Variants in RANBP2 observed in about 807,000 individuals in gnomAD.
RANBP2 encodes RAN binding protein 2.
A neutral mutation model predicts 303.6 loss-of-function variants in RANBP2; 57 were observed. That is an observed-to-expected ratio of 0.19 (90% CI 0.15 to 0.23). The LOEUF (loss-of-function observed/expected upper bound fraction) is 0.23. Among genes scored for constraint, RANBP2 ranks in the 10% least tolerant of loss-of-function variants. The pLI is 1.00. For synonymous variants in RANBP2, 1,167 were observed against 1,301.5 expected, an observed-to-expected ratio of 0.90 and a Z score of 2.23; for missense variants, 3,138 against 3,780.8, an observed-to-expected ratio of 0.83 and a Z score of 4.46.
chr2:109,709,040 C>T, the RANBP2 span, among the ~76,000 whole-genome samples: 8 of 150,668 alleles, frequency 5.3e-5, no homozygotes, highest in Non-Finnish European at 7.4e-5. Flanking sequence ...CAGTGGGTCA[C>T]GCCTATAATC....
At chr2:108,879,656 TAAC>T in the RANBP2 span, among the ~76,000 whole-genome samples, 1 of 152,346 alleles carries the variant, frequency 6.6e-6, no homozygotes, top group Non-Finnish European at 1.5e-5. Context: ...ATCCTCATAA[TAAC>T]TTTGTGAGAT....
chr2:108,861,472 C>CTTTTTTT, the RANBP2 span, among the ~76,000 whole-genome samples: 1 of 123,552 alleles, frequency 8.1e-6, no homozygotes, highest in Non-Finnish European at 1.6e-5. Flanking sequence ...AACTTTCTTC[C>CTTTTTTT]TTTTTTTTTT....
chr2:108,850,181 A>C, the RANBP2 span, among the ~76,000 whole-genome samples: 3 of 151,966 alleles, frequency 2.0e-5, no homozygotes, highest in Admixed American at 2.0e-4. Flanking sequence ...CATAAGAAAA[A>C]CTCTTAAATC....
the RANBP2 span, among the ~76,000 whole-genome samples, chr2:109,245,553 G>A: frequency 3.3e-5 from 5 of 152,204 alleles, no homozygotes; most frequent in African/African-American, 1.2e-4. Flanking sequence ...TGGACAAACT[G>A]CACCTCTAGC....
At chr2:108,834,006 A>G in the RANBP2 span, among the ~76,000 whole-genome samples, 2 of 144,328 alleles carry the variant, frequency 1.4e-5, no homozygotes, top group African/African-American at 5.2e-5. Context: ...TCGGCCTCCC[A>G]AAGTGCTGGG....
the RANBP2 span, among the ~76,000 whole-genome samples, chr2:109,227,398 C>G: frequency 6.6e-6 from 1 of 152,196 alleles, no homozygotes; most frequent in Non-Finnish European, 1.5e-5. Flanking sequence ...ATTTCTGTAA[C>G]CAGCTGTTCT....
the RANBP2 span, among the ~76,000 whole-genome samples, chr2:109,007,404 C>T: frequency 6.6e-6 from 1 of 152,328 alleles, no homozygotes; most frequent in Admixed American, 6.5e-5. Context: ...TCTGGGAACA[C>T]TCTTCCTGGC....
chr2:109,137,560 C>T, the RANBP2 span, among the ~76,000 whole-genome samples: 1 of 152,204 alleles, frequency 6.6e-6, no homozygotes, highest in Non-Finnish European at 1.5e-5. Context: ...GCCATCAAAG[C>T]ACACCACCTT....
the RANBP2 span, among the ~76,000 whole-genome samples, chr2:109,518,913 A>T: frequency 5.2e-5 from 7 of 133,450 alleles, no homozygotes; most frequent in Admixed American, 3.8e-4. Context: ...GGTGCTACAT[A>T]TCTTTTTTTT....
At chr2:109,037,987 T>G in the RANBP2 span, among the ~76,000 whole-genome samples, 2 of 152,208 alleles carry the variant, frequency 1.3e-5, no homozygotes, top group Admixed American at 6.5e-5. Flanking sequence ...AGTCCTGGAA[T>G]AGCTTAACCA....
chr2:109,558,752 AAGG>A, the RANBP2 span, among the ~76,000 whole-genome samples: 1 of 152,178 alleles, frequency 6.6e-6, no homozygotes, highest in Admixed American at 6.5e-5. Context: ...CAGTCACATA[AAGG>A]TCACCCAACA....
the RANBP2 span, chr2:109,437,265 A>C: frequency 7.1e-7 from 1 of 1,414,674 alleles, no homozygotes; most frequent in Non-Finnish European, 9.4e-7. Context: ...TGGCAGCTTC[A>C]TGGCAGCTGG....
the RANBP2 span, among the ~76,000 whole-genome samples, chr2:109,427,894 C>A: frequency 1.3e-5 from 2 of 152,260 alleles, no homozygotes; most frequent in Non-Finnish European, 2.9e-5. Flanking sequence ...ATCCTGAGGC[C>A]ATACCTGCAG....
chr2:109,148,911 A>G, the RANBP2 span, among the ~76,000 whole-genome samples: 2 of 152,014 alleles, frequency 1.3e-5, no homozygotes, highest in African/African-American at 4.8e-5. Flanking sequence ...GGTTTTACCC[A>G]AAAAAAATCA....
At chr2:109,671,926 T>C in the RANBP2 span, among the ~76,000 whole-genome samples, 1 of 152,200 alleles carries the variant, frequency 6.6e-6, no homozygotes, top group Non-Finnish European at 1.5e-5. Context: ...CAGTCTGTTT[T>C]TTCTTTTTCT....
chr2:109,155,822 A>G, the RANBP2 span, among the ~76,000 whole-genome samples: 14 of 152,256 alleles, frequency 9.2e-5, no homozygotes, highest in Non-Finnish European at 1.8e-4. Context: ...ATGTTCCAGA[A>G]CTAGGTGGTC....
the RANBP2 span, among the ~76,000 whole-genome samples, chr2:108,857,393 A>T: frequency 6.6e-6 from 1 of 152,132 alleles, no homozygotes; most frequent in Non-Finnish European, 1.5e-5. Flanking sequence ...ATGCTTAAAA[A>T]TATTTTTGAT....
chr2:109,344,992 G>T, the RANBP2 span, among the ~76,000 whole-genome samples: 1 of 152,166 alleles, frequency 6.6e-6, no homozygotes, highest in Non-Finnish European at 1.5e-5. Flanking sequence ...GTGAAGGGGG[G>T]TGTCAGGGAG....
At chr2:109,217,391 T>A in the RANBP2 span, among the ~76,000 whole-genome samples, 1 of 152,274 alleles carries the variant, frequency 6.6e-6, no homozygotes, top group African/African-American at 2.4e-5. Context: ...AATTCCCATC[T>A]GAACATCACC....
Sources: allele counts gnomAD v4.1 joint callset (sites outside exome capture counted in the v4.1 genomes callset), GRCh38; gene constraint gnomAD v4.1.1; transcripts MANE v1.5; gene names NCBI Gene and HGNC (gene_info 2026-07-23, HGNC 2026-07-21).